NCAM2: variants seen among roughly 807,000 people sequenced by gnomAD.
NCAM2 encodes N-CAM-2.
A neutral mutation model predicts 98.1 loss-of-function variants in NCAM2; 30 were observed. That is an observed-to-expected ratio of 0.31 (90% CI 0.23 to 0.41). The LOEUF is 0.41. NCAM2 is among the 10% of genes least tolerant of loss of function. NCAM2 has a pLI of 1.00. For missense variants in NCAM2, 867 were observed against 1,005.8 expected (o/e 0.86, Z 1.87); for synonymous variants, 368 against 342.4 (o/e 1.07, Z -0.83).
At chr21:21,316,803 CA>C (rs2074236675) in intron 5 of NCAM2, among the ~76,000 whole-genome samples, 2 of 152,212 alleles carry the variant, frequency 1.3e-5, no homozygotes, top group East Asian at 1.9e-4. Flanking sequence ...CTCAGCCTCC[CA>C]AAGTGCTGGG....
intron 12 of NCAM2, among the ~76,000 whole-genome samples, chr21:21,462,440 A>G (rs1005812038): frequency 2.6e-5 from 4 of 152,054 alleles, no homozygotes; most frequent in Non-Finnish European, 5.9e-5. Flanking sequence ...AATATTCTAT[A>G]GCCTCTACTT....
intron 17 of NCAM2, among the ~76,000 whole-genome samples, chr21:21,536,468 C>T (rs974530490): frequency 1.1e-4 from 16 of 151,118 alleles, no homozygotes; most frequent in Non-Finnish European, 1.9e-4. Flanking sequence ...CTCAGCTCAC[C>T]TCAACCTCCG....
intron 5 of NCAM2, among the ~76,000 whole-genome samples, chr21:21,316,533 C>CTTTTTTTTTTTTTT (rs34341259): frequency 9.0e-6 from 1 of 110,900 alleles, no homozygotes; most frequent in African/African-American, 3.5e-5. Flanking sequence ...ATCTTTTATT[C>CTTTTTTTTTTTTTT]TTTTTTTTTT....
chr21:21,198,917 T>C (rs1373455927), intron 1 of NCAM2, among the ~76,000 whole-genome samples: 1 of 152,158 alleles, frequency 6.6e-6, no homozygotes, highest in Non-Finnish European at 1.5e-5. Flanking sequence ...AAATTCACTT[T>C]CCATTATGTA....
At chr21:21,159,225 CAA>C (rs898503501) in intron 1 of NCAM2, among the ~76,000 whole-genome samples, 5 of 151,582 alleles carry the variant, frequency 3.3e-5, no homozygotes, top group Admixed American at 6.6e-5. Flanking sequence ...GCTATTATTA[CAA>C]AAAGAGTCAA....
At position 21,523,144 on chromosome 21, in the gene NCAM2, T is replaced by C. The variant is rs1173728007; in HGVS notation, c.2283-11393T>C. ...TTTTTCCTATTCTGCAAGTTGTCTC[T>C]TCACTTTACTGATGGTTTCCCTTGC... On this transcript the variant is annotated intron_variant, in intron 16 of 17. Coordinates refer to ENST00000400546, the MANE Select transcript of NCAM2 (RefSeq NM_004540.5). Among the ~76,000 whole-genome samples the C allele has an allele frequency of 3.9e-5, 6 of 152,166 alleles. No homozygotes were observed. In the South Asian group the frequency reaches 6.2e-4, roughly 16 times the overall value.
intron 1 of NCAM2, among the ~76,000 whole-genome samples, chr21:21,032,184 AAAT>A (rs5842871): frequency 0.72 from 109,552 of 151,718 alleles, 39,877 homozygotes; most frequent in Admixed American, 0.79. Flanking sequence ...ATAACTCTAT[AAAT>A]AATATTTTCT....
chr21:21,481,137 T>C (rs553416775), intron 15 of NCAM2, among the ~76,000 whole-genome samples: 1 of 152,268 alleles, frequency 6.6e-6, no homozygotes, highest in African/African-American at 2.4e-5. Flanking sequence ...TTGATGTCTG[T>C]AGTACTCATT....
chr21:21,268,911 C>G (rs545249821), intron 1 of NCAM2, among the ~76,000 whole-genome samples: 21 of 152,278 alleles, frequency 1.4e-4, no homozygotes, highest in African/African-American at 4.8e-4. Context: ...TTAAATCTAA[C>G]TAATCTAACT....
intron 1 of NCAM2, among the ~76,000 whole-genome samples, chr21:21,230,128 ACTCT>A (rs1225724827): frequency 6.6e-6 from 1 of 150,956 alleles, no homozygotes; most frequent in Non-Finnish European, 1.5e-5. Context: ...TTGGATGATT[ACTCT>A]CTGTCAGTAG....
In NCAM2 at chr21:21,250,315, T is replaced by C. The variant is rs559801103; in HGVS notation, c.56-30263T>C. 2.8e-4 allele frequency among the ~76,000 whole-genome samples: 43 copies of C among 152,334 alleles called. 2 individuals are homozygous for C. The South Asian group carries it at 8.7e-3, about 31-fold the overall frequency. ...AACTCATGCTCTCTAGGGAGGTGCG[T>C]ACTTTACCTATGAGTTTAATCTCAT... On this transcript the variant is annotated intron_variant, in intron 1 of 17. Coordinates refer to ENST00000400546, the MANE Select transcript of NCAM2 (RefSeq NM_004540.5).
Position 21,373,852 on chromosome 21 carries a change from G to A in NCAM2, c.1045-11G>A, listed in dbSNP as rs779111551. 5.0e-6 allele frequency: 8 copies of A among 1,592,250 alleles called. No homozygotes were observed. Among genetic ancestry groups the A allele is most frequent in the African/African-American group, 4.1e-5 (3 of 73,290 alleles). ...ATAAAATCTTTCTTTTTCCTGAATC[G>A]ATGTAAACAGAGCCTGGACGGCCGT... On this transcript the variant is annotated splice_polypyrimidine_tract_variant and intron_variant, in intron 8 of 17. Coordinates refer to ENST00000400546, the MANE Select transcript of NCAM2 (RefSeq NM_004540.5).
At chr21:21,451,819 T>A (rs1010568330) in intron 12 of NCAM2, among the ~76,000 whole-genome samples, 2 of 152,072 alleles carry the variant, frequency 1.3e-5, no homozygotes, top group African/African-American at 4.8e-5. Flanking sequence ...CCAGACATCT[T>A]CATCTCCACA....
At chr21:21,391,531 GATA>G (rs1016424898) in intron 9 of NCAM2, among the ~76,000 whole-genome samples, 142 of 152,010 alleles carry the variant, frequency 9.3e-4, no homozygotes, top group Non-Finnish European at 1.5e-3. Flanking sequence ...ATAATGATCA[GATA>G]ATAATTAATC....
At chr21:21,481,848 A>G (rs1985916565) in intron 15 of NCAM2, among the ~76,000 whole-genome samples, 1 of 152,234 alleles carries the variant, frequency 6.6e-6, no homozygotes. Context: ...TCACGCCTAT[A>G]ATCCCAGCAC....
At chr21:21,101,795 A>G (rs985837226) in intron 1 of NCAM2, among the ~76,000 whole-genome samples, 12 of 152,092 alleles carry the variant, frequency 7.9e-5, no homozygotes, top group African/African-American at 2.7e-4. Flanking sequence ...AATGAACAAA[A>G]TAAGTAAAGT....
chr21:21,292,112 G>T lies in NCAM2; in HGVS notation c.490G>T (p.Ala164Ser). 1.2e-6 allele frequency: 2 copies of T among 1,608,332 alleles called. No homozygotes were observed. The highest frequency in any genetic ancestry group is 1.1e-5 in the South Asian group (1 of 90,342). ...CTTTGCTTTCTTTCCAGATCGGTTC[G>T]CTATGTTAGCAAACAATAACCTGCA... is the stretch of plus-strand genomic sequence containing the variant. Reference protein sequence around the residue: ...EVTTISDNRFAMLANNNLQIL... With the variant: ...EVTTISDNRFSMLANNNLQIL... The change falls in exon 5 of 18, where the codon GCT becomes TCT. Residue 164 changes from alanine to serine, a missense_variant. By Grantham distance (99) the Ala-to-Ser change is moderately conservative. Around this residue, in one of 5 missense-constraint regions of NCAM2, gnomAD observed 447 missense variants for 495.7 expected, o/e 0.90. Coordinates refer to ENST00000400546, the MANE Select transcript of NCAM2 (RefSeq NM_004540.5).
intron 1 of NCAM2, among the ~76,000 whole-genome samples, chr21:21,000,221 T>A (rs984607020): frequency 6.6e-6 from 1 of 152,176 alleles, no homozygotes; most frequent in African/African-American, 2.4e-5. Context: ...AGACAGGTAT[T>A]TTTGAGCACC....
At chr21:21,464,792 A>T (rs894054762) in intron 12 of NCAM2, among the ~76,000 whole-genome samples, 12 of 152,082 alleles carry the variant, frequency 7.9e-5, no homozygotes, top group African/African-American at 2.9e-4. Context: ...CTGGGGCTTA[A>T]ATTATATACC....
Sources: allele counts gnomAD v4.1 joint callset (sites outside exome capture counted in the v4.1 genomes callset), GRCh38; gene constraint gnomAD v4.1.1; regional missense constraint gnomAD v4.1.1; transcripts MANE v1.5; gene names NCBI Gene and HGNC (gene_info 2026-07-23, HGNC 2026-07-21).